MSRA: variants seen among roughly 807,000 people sequenced by gnomAD.
MSRA encodes the protein methionine sulfoxide reductase A, also known as mitochondrial peptide methionine sulfoxide reductase.
In MSRA, 54 loss-of-function variants were observed where a neutral mutation model predicts 31.3. That is an observed-to-expected ratio of 1.73 (90% confidence interval 1.39 to 2.17). MSRA has a LOEUF of 2.17. Ranked by LOEUF, MSRA falls within the 30% of genes most tolerant of loss-of-function variation. The probability of loss-of-function intolerance (pLI) is 0.00; values close to 1 mark genes in which losing one functional copy is unlikely to be tolerated. For synonymous variants in MSRA, 169 were observed against 116.5 expected, an observed-to-expected ratio of 1.45 and a Z score of -2.90; for missense variants, 507 against 300.9, an observed-to-expected ratio of 1.69 and a Z score of -5.07.
At chr8:10,326,459 A>G (rs1218439098) in intron 5 of MSRA, 2 of 152,182 alleles carry the variant, frequency 1.3e-5, no homozygotes, top group South Asian at 4.1e-4. Flanking sequence ...GCTCATTTCT[A>G]ATCAGATTAA....
At chr8:10,363,103 A>G in intron 5 of MSRA, among the ~76,000 whole-genome samples, 1 of 152,200 alleles carries the variant, frequency 6.6e-6, no homozygotes, top group Non-Finnish European at 1.5e-5. Flanking sequence ...TTTTCCCCCC[A>G]GAAATGTCCA....
At chr8:10,152,210 T>A (rs1803742327) in intron 1 of MSRA, among the ~76,000 whole-genome samples, 1 of 152,212 alleles carries the variant, frequency 6.6e-6, no homozygotes, top group African/African-American at 2.4e-5. Flanking sequence ...CAAAACTGTC[T>A]GTGTGCAAAT....
chr8:10,171,579 C>T (rs1187071142), intron 1 of MSRA, among the ~76,000 whole-genome samples: 1 of 152,166 alleles, frequency 6.6e-6, no homozygotes, highest in East Asian at 1.9e-4. Context: ...CAGCATTGCC[C>T]TTCCCTCAGT....
intron 5 of MSRA, among the ~76,000 whole-genome samples, chr8:10,427,892 G>A (rs1809283002): frequency 6.6e-6 from 1 of 152,208 alleles, no homozygotes; most frequent in South Asian, 2.1e-4. Context: ...GCAGGGGTGT[G>A]GGGGTAGAGT....
intron 3 of MSRA, among the ~76,000 whole-genome samples, chr8:10,296,021 C>T (rs1187344900): frequency 6.6e-6 from 1 of 152,188 alleles, no homozygotes; most frequent in African/African-American, 2.4e-5. Context: ...TAGAAAAATT[C>T]TGATTCTAGA....
intron 5 of MSRA, among the ~76,000 whole-genome samples, chr8:10,426,764 TA>T (rs1461708406): frequency 1.3e-5 from 2 of 152,222 alleles, no homozygotes; most frequent in Non-Finnish European, 2.9e-5. Context: ...GTTGTGAGGC[TA>T]AAATTAACAT....
chr8:10,264,955 C>T (rs1798670750), intron 3 of MSRA, among the ~76,000 whole-genome samples: 1 of 152,106 alleles, frequency 6.6e-6, no homozygotes, highest in African/African-American at 2.4e-5. Flanking sequence ...TATGTGCAGC[C>T]ACTGGAGCTG....
intron 5 of MSRA, among the ~76,000 whole-genome samples, chr8:10,422,027 T>C (rs1808844762): frequency 6.6e-6 from 1 of 152,184 alleles, no homozygotes; most frequent in African/African-American, 2.4e-5. Context: ...ACACCTGTAA[T>C]CCCAGCACTT....
chr8:10,088,854 C>A (rs988082400), intron 1 of MSRA, among the ~76,000 whole-genome samples: 1 of 152,100 alleles, frequency 6.6e-6, no homozygotes, highest in Non-Finnish European at 1.5e-5. Context: ...ATCTAAAGGA[C>A]GTTATGCTAA....
chr8:10,072,010 A>G (rs569839252), intron 1 of MSRA, among the ~76,000 whole-genome samples: 26 of 152,258 alleles, frequency 1.7e-4, no homozygotes, highest in Admixed American at 3.3e-4. Context: ...TGGTCTGCCT[A>G]CGAGCACCCC....
At chr8:10,159,101 C>T (rs145338072) in intron 1 of MSRA, among the ~76,000 whole-genome samples, 68 of 152,282 alleles carry the variant, frequency 4.5e-4, no homozygotes, top group African/African-American at 1.6e-3. Flanking sequence ...TGATGGATGG[C>T]AGCAGACAGG....
At chr8:10,276,696 G>GC (rs1799339272) in intron 3 of MSRA, among the ~76,000 whole-genome samples, 1 of 152,220 alleles carries the variant, frequency 6.6e-6, no homozygotes, top group Admixed American at 6.5e-5. Context: ...TCTAAGAGAA[G>GC]TCTTTAATGT....
intron 4 of MSRA, among the ~76,000 whole-genome samples, chr8:10,301,989 G>A (rs1375689288): frequency 3.3e-5 from 5 of 152,152 alleles, no homozygotes; most frequent in Non-Finnish European, 7.4e-5. Context: ...CAGCTCCAAA[G>A]ATTCCTGATT....
Position 10,250,041 on chromosome 8 carries a change from A to G in MSRA, c.331+4818A>G, listed in dbSNP as rs751392089. Among the ~76,000 whole-genome samples, 5 of 152,202 alleles carry G rather than the reference A, an allele frequency of 3.3e-5. No individual in the cohort carries two copies. The South Asian group carries it at 6.2e-4, about 19-fold the overall frequency. ...GTTCCTGTCTTCCAGAATTTTCTCT[A>G]TAGTCAAATGAAAGCTTGATCTTTC... On this transcript the variant is annotated intron_variant, in intron 3 of 5. Transcript: ENST00000317173.
intron 1 of MSRA, among the ~76,000 whole-genome samples, chr8:10,182,694 A>G (rs1051777557): frequency 2.2e-4 from 33 of 152,160 alleles, no homozygotes; most frequent in Admixed American, 1.6e-3. Flanking sequence ...TCCAAGAGCC[A>G]TTGGGCTCAG....
intron 5 of MSRA, among the ~76,000 whole-genome samples, chr8:10,363,721 C>G (rs796980501): frequency 6.5e-5 from 9 of 138,198 alleles, no homozygotes; most frequent in African/African-American, 2.3e-4. Flanking sequence ...CCTGGGCAAC[C>G]AAGCAAGATG....
intron 1 of MSRA, among the ~76,000 whole-genome samples, chr8:10,207,288 C>G (rs964933315): frequency 1.3e-5 from 2 of 152,140 alleles, no homozygotes; most frequent in African/African-American, 4.8e-5. Flanking sequence ...CTCTCTGGCT[C>G]TTAAGGAGGC....
chr8:10,223,879 C>T (rs1215010424), intron 2 of MSRA, among the ~76,000 whole-genome samples: 5 of 152,096 alleles, frequency 3.3e-5, no homozygotes, highest in Non-Finnish European at 7.4e-5. Flanking sequence ...TTTCATTTCC[C>T]CACTCCGAAT....
intron 3 of MSRA, among the ~76,000 whole-genome samples, chr8:10,282,116 A>G (rs1799654989): frequency 6.6e-6 from 1 of 152,190 alleles, no homozygotes; most frequent in Non-Finnish European, 1.5e-5. Context: ...TGTCCTTTCT[A>G]ATGAATAGTA....
Sources: allele counts gnomAD v4.1 joint callset (sites outside exome capture counted in the v4.1 genomes callset), GRCh38; gene constraint gnomAD v4.1.1; transcripts MANE v1.5; gene names NCBI Gene and HGNC (gene_info 2026-07-23, HGNC 2026-07-21).